SLC44A5: variants seen among roughly 807,000 people sequenced by gnomAD.
SLC44A5 encodes choline transporter-like protein 5.
SLC44A5 carries 57 observed loss-of-function variants against 101.8 expected under a neutral mutation model. The ratio of observed to expected loss-of-function variants is 0.56; its 90% CI spans 0.45 to 0.70. The LOEUF (loss-of-function observed/expected upper bound fraction) is 0.70, where lower values mean the gene tolerates loss of function less well. SLC44A5 is among the 30% of genes least tolerant of loss of function. SLC44A5 has a pLI of 0.00. For synonymous variants in SLC44A5, 281 were observed against 290.9 expected, an observed-to-expected ratio of 0.97 and a Z score of 0.35; for missense variants, 737 against 853.1, an observed-to-expected ratio of 0.86 and a Z score of 1.70.
Position 75,219,897 on chromosome 1 carries a change from A to C in SLC44A5, c.1086-5T>G. 6.4e-7 allele frequency: 1 copy of C among 1,562,006 alleles called. No homozygotes were observed. The highest frequency in any genetic ancestry group is 8.8e-7 in the Non-Finnish European group (1 of 1,139,370). ...CTAGGAACATATCCAATGGCTCTGA[A>C]ATAAAACAAATAGTTGAAATTCAAT... On this transcript the variant is annotated splice_polypyrimidine_tract_variant and splice_region_variant and intron_variant, in intron 14 of 23. Transcript: ENST00000370859.
chr1:75,480,211 G>A (rs780870411), intron 2 of SLC44A5, among the ~76,000 whole-genome samples: 1 of 152,140 alleles, frequency 6.6e-6, no homozygotes, highest in Non-Finnish European at 1.5e-5. Flanking sequence ...AATACTTCAT[G>A]CTAAAAACTC....
At chr1:75,543,485 G>C (rs139589019) in intron 1 of SLC44A5, among the ~76,000 whole-genome samples, 3 of 151,584 alleles carry the variant, frequency 2.0e-5, no homozygotes, top group African/African-American at 7.3e-5. Context: ...CTGGCATTTT[G>C]TTATGTAGCT....
intron 2 of SLC44A5, among the ~76,000 whole-genome samples, chr1:75,511,534 T>G (rs1174709331): frequency 6.6e-6 from 1 of 152,230 alleles, no homozygotes; most frequent in Non-Finnish European, 1.5e-5. Context: ...GAGTATTTCT[T>G]ATTTAAAAAA....
At chr1:75,513,591 T>A (rs1214708973) in intron 2 of SLC44A5, among the ~76,000 whole-genome samples, 2 of 152,156 alleles carry the variant, frequency 1.3e-5, no homozygotes, top group East Asian at 3.9e-4. Flanking sequence ...CTTTTTTACA[T>A]CTAAAACAAC....
At chr1:75,562,334 A>G (rs922728364) in intron 1 of SLC44A5, among the ~76,000 whole-genome samples, 1 of 152,152 alleles carries the variant, frequency 6.6e-6, no homozygotes, top group Non-Finnish European at 1.5e-5. Flanking sequence ...CCCAAAAACT[A>G]TATCACCAGG....
intron 4 of SLC44A5, among the ~76,000 whole-genome samples, chr1:75,313,288 A>C (rs190244837): frequency 6.6e-6 from 1 of 152,302 alleles, no homozygotes; most frequent in Admixed American, 6.5e-5. Flanking sequence ...ACGGTTTTTA[A>C]CACAGAGGGA....
intron 3 of SLC44A5, among the ~76,000 whole-genome samples, chr1:75,368,564 TAA>T (rs1165947407): frequency 6.6e-6 from 1 of 152,242 alleles, no homozygotes; most frequent in Non-Finnish European, 1.5e-5. Flanking sequence ...GATATGTTTA[TAA>T]AGTCTACTTT....
At chr1:75,474,794 C>A (rs1378965305) in intron 2 of SLC44A5, among the ~76,000 whole-genome samples, 3 of 152,136 alleles carry the variant, frequency 2.0e-5, no homozygotes, top group Admixed American at 6.5e-5. Context: ...TAAAAACAAT[C>A]CAGAAAATTC....
intron 1 of SLC44A5, among the ~76,000 whole-genome samples, chr1:75,548,917 T>C (rs538786577): frequency 9.9e-5 from 15 of 152,272 alleles, no homozygotes; most frequent in Admixed American, 9.2e-4. Context: ...GAGTCTAAGT[T>C]CATTAGTGTT....
At chr1:75,699,658 T>C in the SLC44A5 span, among the ~76,000 whole-genome samples, 1 of 145,704 alleles carries the variant, frequency 6.9e-6, no homozygotes, top group Non-Finnish European at 1.5e-5. Context: ...CACATAACAA[T>C]ATTAACCTTA....
At chr1:75,503,209 T>G (rs1669062608) in intron 2 of SLC44A5, among the ~76,000 whole-genome samples, 1 of 152,146 alleles carries the variant, frequency 6.6e-6, no homozygotes, top group South Asian at 2.1e-4. Flanking sequence ...CTGGATAGTG[T>G]TAATACATAT....
chr1:75,414,401 T>G (rs1035145320), intron 2 of SLC44A5, among the ~76,000 whole-genome samples: 10 of 151,742 alleles, frequency 6.6e-5, no homozygotes, highest in Non-Finnish European at 1.3e-4. Context: ...CCAGCAAACC[T>G]TTCAAAGATT....
intron 5 of SLC44A5, among the ~76,000 whole-genome samples, chr1:75,296,744 C>T (rs1411294710): frequency 1.3e-5 from 2 of 152,260 alleles, no homozygotes; most frequent in East Asian, 1.9e-4. Flanking sequence ...CACCTGGTCT[C>T]AAAACCAATG....
At chr1:75,318,379 GAAAGA>G (rs1655868484) in intron 4 of SLC44A5, among the ~76,000 whole-genome samples, 2 of 21,054 alleles carry the variant, frequency 9.5e-5, no homozygotes, top group Non-Finnish European at 2.7e-4. Flanking sequence ...TTGAAAGAAA[GAAAGA>G]AAGAAAGAAA....
chr1:75,662,882 C>T, the SLC44A5 span, among the ~76,000 whole-genome samples: 2 of 152,020 alleles, frequency 1.3e-5, no homozygotes, highest in Non-Finnish European at 2.9e-5. Context: ...AGTCATTTGG[C>T]CTTTCAATGT....
intron 4 of SLC44A5, among the ~76,000 whole-genome samples, chr1:75,318,725 G>A (rs536024930): frequency 6.6e-6 from 1 of 152,224 alleles, no homozygotes; most frequent in East Asian, 1.9e-4. Flanking sequence ...GATAGCTCTT[G>A]AATAATCTAC....
rs1254415927 is a variant in SLC44A5, at chr1:75,380,437, C to A, written c.52+16146G>T. 2.4e-5 allele frequency among the ~76,000 whole-genome samples: 2 copies of A among 83,530 alleles called. 1 individual carries two copies. Among genetic ancestry groups the A allele is most frequent in the Non-Finnish European group, 4.1e-5 (2 of 48,198 alleles). 54.8% of individuals were successfully genotyped at this position (83,530 alleles called of 152,430 possible). On this transcript the variant is annotated intron_variant, in intron 3 of 23. Coordinates refer to ENST00000370859, the MANE Select transcript of SLC44A5 (RefSeq NM_001130058.2). ...TGCCAGTCCAGGAGACAGGATTGCT[C>A]AATTATTACTCCTGCCATATATTAA...
Position 75,290,067 on chromosome 1 carries a change from G to A in SLC44A5, c.175+10545C>T, listed in dbSNP as rs1653407615. On this transcript the variant is annotated intron_variant, in intron 5 of 23. Transcript: ENST00000370859. Reference sequence around the variant, plus strand: ...TTGTAATAAAGTAACCATGATAACAGGGATGAAGATTATGTGTGGGTTTTG... The same window carrying A: ...TTGTAATAAAGTAACCATGATAACAAGGATGAAGATTATGTGTGGGTTTTG... Among the ~76,000 whole-genome samples the A allele has an allele frequency of 2.0e-5, 3 of 152,206 alleles. No individual in the cohort carries two copies. In the South Asian group the frequency reaches 6.2e-4, roughly 31 times the overall value.
intron 3 of SLC44A5, among the ~76,000 whole-genome samples, chr1:75,362,719 C>T (rs11590275): frequency 0.66 from 100,300 of 151,832 alleles, 33,870 homozygotes; most frequent in Middle Eastern, 0.75. Context: ...TAAAATATGA[C>T]CTATCTTGGA....
Sources: allele counts gnomAD v4.1 joint callset (sites outside exome capture counted in the v4.1 genomes callset), GRCh38; gene constraint gnomAD v4.1.1; transcripts MANE v1.5; gene names NCBI Gene and HGNC (gene_info 2026-07-23, HGNC 2026-07-21).